Variants in FLT4 observed in about 807,000 individuals in gnomAD.
The protein encoded by FLT4 is vascular endothelial growth factor receptor 3.
Under a neutral mutation model 163.2 loss-of-function variants are expected in FLT4, and 30 were observed. The observed-to-expected ratio is 0.18, with a 90% CI of 0.14 to 0.25. The LOEUF (loss-of-function observed/expected upper bound fraction) is 0.25, where lower values mean the gene tolerates loss of function less well. FLT4 is among the 10% of genes least tolerant of loss of function. The pLI is 1.00. For missense variants in FLT4, 1,510 were observed against 1,863.8 expected (o/e 0.81, Z 3.50); for synonymous variants, 884 against 789.5 (o/e 1.12, Z -2.01).
rs147644625 is a variant in FLT4, at chr5:180,628,982, C to G, written c.1003G>C (p.Val335Leu). Residue 335 changes from valine (V) to leucine (L), a missense_variant, in exon 8 of 30, where the codon GTC becomes CTC. Val to Leu is a conservative substitution (Grantham distance 32, BLOSUM62 1). Coordinates refer to ENST00000261937, the MANE Select transcript of FLT4 (RefSeq NM_182925.5). ...AGGATGGGTCCTTTGAGCCACTCGA[C>G]GCTGATGAAGGGATTTTCTGCCGGA... ...VIVHENPFIS[V>L]EWLKGPILEA... 2 of 1,612,330 alleles carry G rather than the reference C, an allele frequency of 1.2e-6. No homozygotes were observed. Among genetic ancestry groups the G allele is most frequent in the African/African-American group, 1.3e-5 (1 of 74,918 alleles).
chr5:180,603,476 C>T (rs1309410628), intron 29 of FLT4, 86 bp from the exon 30 acceptor site: 2 of 1,261,988 alleles, frequency 1.6e-6, no homozygotes, highest in South Asian at 2.5e-5. Context: ...ACTTGGGAGG[C>T]CTAGGCAGGC....
intron 7 of FLT4, 87 bp from the exon 8 acceptor site, chr5:180,629,086 G>A: frequency 1.4e-6 from 2 of 1,458,176 alleles, no homozygotes; most frequent in South Asian, 2.3e-5. Flanking sequence ...TGCAGCCCCG[G>A]CAGCCGGACA....
At chr5:180,648,667 C>T (rs1765595300) in intron 1 of FLT4, among the ~76,000 whole-genome samples, 1 of 152,188 alleles carries the variant, frequency 6.6e-6, no homozygotes, top group South Asian at 2.1e-4. Context: ...TCATCCCCCA[C>T]AGTCCCTCTT....
chr5:180,625,949 G>A lies in FLT4; in HGVS notation c.1341C>T (p.Ala447=), dbSNP rs147969113. ...TGCTGAGAGGCAGGGGCACCCCGTA[G>A]GCCGTGCAGGTGAGGGCCTGGCGGC... The part of the protein sequence containing the change: ...RHSRQALTCT[A]YGVPLPLSIQ... The change falls in exon 10 of 30, where the codon GCC becomes GCT. Residue 447 remains alanine (A), a synonymous_variant. Coordinates refer to ENST00000261937, the MANE Select transcript of FLT4 (RefSeq NM_182925.5). The A allele has an allele frequency of 6.2e-7, 1 of 1,612,818 alleles. No homozygotes were observed. Among genetic ancestry groups the A allele is most frequent in the Non-Finnish European group, 8.5e-7 (1 of 1,179,970 alleles).
In FLT4 at chr5:180,620,233, A is replaced by G; in HGVS notation, c.2482T>C (p.Cys828Arg). 6.2e-7 allele frequency: 1 copy of G among 1,611,750 alleles called. No homozygotes were observed. Residue 828 changes from cysteine (C) to arginine (R), a missense_variant, in exon 17 of 30, where the codon TGC (cysteine) becomes CGC (arginine). By Grantham distance (180) the Cys-to-Arg change is radical. Coordinates refer to ENST00000261937, the MANE Select transcript of FLT4 (RefSeq NM_182925.5). This position sits in a 1 kb window ranked among gnomAD's most constrained non-coding sequence, Gnocchi z 4.4. Reference protein sequence around the residue: ...DPGEVPLEEQCEYLSYDASQW... With the variant: ...DPGEVPLEEQREYLSYDASQW... ...CTGGCATCGTAGGACAGGTATTCGC[A>G]TTGCTCCTCCAGAGGCACCTCCCCG...
intron 1 of FLT4, among the ~76,000 whole-genome samples, chr5:180,647,140 G>A (rs1308843252): frequency 1.3e-5 from 2 of 152,210 alleles, no homozygotes; most frequent in Non-Finnish European, 2.9e-5. Context: ...CAGATGCCCA[G>A]CAGACCCTGC....
upstream of FLT4, among the ~76,000 whole-genome samples, chr5:180,650,286 C>T (rs142536549): frequency 5.8e-4 from 88 of 152,002 alleles, no homozygotes; most frequent in African/African-American, 2.0e-3. Context: ...GGATGACCGA[C>T]CCCCTCCCTG....
rs770103998 is a variant in FLT4, at chr5:180,621,627, G to C, written c.1935C>G (p.Pro645=). The C allele has an allele frequency of 6.8e-6, 11 of 1,605,864 alleles. No homozygotes were observed. Among genetic ancestry groups the C allele is most frequent in the South Asian group, 1.1e-5 (1 of 90,726 alleles). The part of the protein sequence containing the change: ...TLSLSIPRVA[P]EHEGHYVCEV... ...CGCACACATAGTGGCCCTCGTGCTC[G>C]GGCGCGACGCGGGGGATACTCAGGC... Residue 645 remains proline, a synonymous_variant, in exon 13 of 30, where the codon CCC becomes CCG. Transcript: ENST00000261937.
At chr5:180,608,939 G>A (rs1761963868) in intron 29 of FLT4, 29 bp downstream of exon 29, 4 of 1,569,902 alleles carry the variant, frequency 2.5e-6, no homozygotes, top group Non-Finnish European at 3.5e-6. Flanking sequence ...ATCGATACCT[G>A]CAGTGCAGGA....
At chr5:180,607,939 C>T (rs1213614312) in intron 29 of FLT4, 11 of 606,990 alleles carry the variant, frequency 1.8e-5, no homozygotes, top group South Asian at 5.9e-5. Flanking sequence ...CAAGCAGTAA[C>T]GCCAGTGTCT....
chr5:180,642,409 C>T (rs1765198606), intron 1 of FLT4, among the ~76,000 whole-genome samples: 1 of 152,060 alleles, frequency 6.6e-6, no homozygotes, highest in Non-Finnish European at 1.5e-5. Context: ...AGCTTGCTGG[C>T]CCAGGAGGCG....
At chr5:180,606,983 C>T (rs985063115) in intron 29 of FLT4, among the ~76,000 whole-genome samples, 35 of 151,632 alleles carry the variant, frequency 2.3e-4, no homozygotes, top group African/African-American at 8.2e-4. Flanking sequence ...GAGGCTGAGG[C>T]AGGATAATCA....
intron 27 of FLT4, among the ~76,000 whole-genome samples, chr5:180,610,897 A>T (rs1415970525): frequency 1.3e-5 from 2 of 152,208 alleles, no homozygotes; most frequent in Non-Finnish European, 2.9e-5. Context: ...CTCTACTAAA[A>T]ATACAAAAAA....
rs995070641 is a variant in FLT4 at position 180,601,826 on chromosome 5, G to A, written c.*1366C>T. On this transcript the variant is annotated 3_prime_UTR_variant, in exon 30 of 30. Transcript: ENST00000261937. The stretch of plus-strand genomic sequence containing the variant: ...GGCATATCCTGGAGTAACGCGCAGT[G>A]GGGGAGGTGGGGAGGGGAGGGTCGG... 1 of 232,898 alleles carries A rather than the reference G, an allele frequency of 4.3e-6. No individual in the cohort carries two copies. Among genetic ancestry groups the A allele is most frequent in the Non-Finnish European group, 8.5e-6 (1 of 118,162 alleles). 14.4% of individuals were successfully genotyped at this position (232,898 alleles called of 1,614,324 possible). A position where few individuals can be genotyped will look rare whatever the true frequency, so the allele number is the denominator to read the frequency against.
rs1044600952 is a variant in FLT4, at chr5:180,636,820, C to A, written c.59-5042G>T. 2.0e-5 allele frequency among the ~76,000 whole-genome samples: 3 copies of A among 152,086 alleles called. No homozygotes were observed. Among genetic ancestry groups the A allele is most frequent in the African/African-American group, 4.8e-5 (2 of 41,404 alleles). The stretch of plus-strand genomic sequence containing the variant: ...AAGCCCCCACTGCTTCCTCCCCACC[C>A]CTTGGTGCCCTCCCGGTGCTGCCCC... On this transcript the variant is annotated intron_variant, in intron 1 of 29. Transcript: ENST00000261937. The surrounding 1 kb of genome is among the most constrained non-coding windows in gnomAD (Gnocchi z 4.3).
chr5:180,609,680 A>G (rs1205344938), intron 28 of FLT4: 5 of 532,828 alleles, frequency 9.4e-6, no homozygotes, highest in Non-Finnish European at 1.7e-5. Context: ...GCTGCTGAGG[A>G]GGGGAGGCCT....
chr5:180,642,747 A>G (rs1303209377), intron 1 of FLT4, among the ~76,000 whole-genome samples: 1 of 152,182 alleles, frequency 6.6e-6, no homozygotes, highest in East Asian at 1.9e-4. Flanking sequence ...CAAGTACCAC[A>G]AAGAATGAGA....
chr5:180,613,167 C>T, intron 24 of FLT4, 57 bp from the exon 25 acceptor site: 1 of 1,278,050 alleles, frequency 7.8e-7, no homozygotes, highest in Admixed American at 1.7e-5. Context: ...TCAGCCCAGC[C>T]CCCCAAGTCA....
At chr5:180,648,986 G>C (rs990081340) in intron 1 of FLT4, among the ~76,000 whole-genome samples, 1 of 152,280 alleles carries the variant, frequency 6.6e-6, no homozygotes, top group Non-Finnish European at 1.5e-5. Flanking sequence ...CCACGGGGAG[G>C]GGGAAGCCCG....
Sources: gnomAD v4.1 joint callset for allele counts (sites outside exome capture counted in the v4.1 genomes callset) on GRCh38, gnomAD v4.1.1 for gene constraint, Gnocchi (gnomAD v3.1) non-coding constraint, MANE v1.5 for transcripts, NCBI Gene and HGNC (gene_info 2026-07-23, HGNC 2026-07-21) for gene names.